Variants in LRP1B observed in about 807,000 individuals in gnomAD.
LRP1B encodes LDL receptor related protein 1B.
In LRP1B, 217 loss-of-function variants were observed where a neutral mutation model predicts 556.6. The observed-to-expected ratio is 0.39, with a 90% CI of 0.35 to 0.44. LRP1B has a LOEUF of 0.44. Ranked by LOEUF, LRP1B falls within the 20% of genes least tolerant of loss-of-function variation. LRP1B has a pLI of 1.00. For missense variants in LRP1B, 5,053 were observed against 5,620.8 expected, an observed-to-expected ratio of 0.90 and a Z score of 3.23; for synonymous variants, 2,047 against 1,865.8, an observed-to-expected ratio of 1.10 and a Z score of -2.50.
chr2:140,737,576 G>T (rs1341947797), intron 35 of LRP1B, among the ~76,000 whole-genome samples: 1 of 152,112 alleles, frequency 6.6e-6, no homozygotes, highest in African/African-American at 2.4e-5. Context: ...CTAGTTAATT[G>T]CCTCTGAAGT....
At chr2:140,444,779 A>C in intron 63 of LRP1B, 100 bp from the exon 64 acceptor site, 3 of 721,594 alleles carry the variant, frequency 4.2e-6, no homozygotes, top group Non-Finnish European at 7.3e-6. Flanking sequence ...TAATAAATAT[A>C]TCCTGGAATA....
intron 21 of LRP1B, among the ~76,000 whole-genome samples, chr2:140,920,704 T>C (rs1386224001): frequency 3.3e-5 from 5 of 152,036 alleles, no homozygotes; most frequent in African/African-American, 9.7e-5. Context: ...TGGTTTACTA[T>C]ATCCAAAACA....
intron 84 of LRP1B, among the ~76,000 whole-genome samples, chr2:140,282,480 A>C (rs1682957761): frequency 1.3e-5 from 2 of 151,828 alleles, no homozygotes; most frequent in Admixed American, 1.3e-4. Flanking sequence ...ATATTTAGTG[A>C]TTCATAAATA....
At chr2:140,720,869 C>A (rs1388014016) in intron 35 of LRP1B, among the ~76,000 whole-genome samples, 2 of 151,818 alleles carry the variant, frequency 1.3e-5, no homozygotes, top group Non-Finnish European at 2.9e-5. Flanking sequence ...ATATGCTTAC[C>A]ATGATGCTCT....
chr2:141,452,184 GA>G (rs903997316), intron 3 of LRP1B, among the ~76,000 whole-genome samples: 11 of 150,702 alleles, frequency 7.3e-5, no homozygotes, highest in Middle Eastern at 3.4e-3. Flanking sequence ...AAGGAGGCTG[GA>G]AAAAAAAAGA....
intron 41 of LRP1B, among the ~76,000 whole-genome samples, chr2:140,682,774 C>A (rs1045811637): frequency 6.6e-6 from 1 of 151,256 alleles, no homozygotes; most frequent in African/African-American, 2.4e-5. Context: ...GAAATATAAG[C>A]AAGGAAACAG....
At chr2:141,255,608 T>C (rs1488747586) in intron 3 of LRP1B, among the ~76,000 whole-genome samples, 2 of 152,078 alleles carry the variant, frequency 1.3e-5, no homozygotes, top group Admixed American at 6.6e-5. Context: ...AGCATTCTCA[T>C]ACAATTATTT....
chr2:141,834,791 A>G (rs1697216427), intron 1 of LRP1B, among the ~76,000 whole-genome samples: 1 of 151,950 alleles, frequency 6.6e-6, no homozygotes, highest in Non-Finnish European at 1.5e-5. Context: ...ATGAAGAAAA[A>G]AGAAAAACTT....
At chr2:140,826,832 G>T (rs1691526207) in intron 31 of LRP1B, among the ~76,000 whole-genome samples, 1 of 152,234 alleles carries the variant, frequency 6.6e-6, no homozygotes, top group African/African-American at 2.4e-5. Flanking sequence ...GGGGAGGTGG[G>T]ATTAGAAACC....
intron 35 of LRP1B, among the ~76,000 whole-genome samples, chr2:140,748,346 AT>A (rs1190128429): frequency 2.4e-5 from 3 of 126,248 alleles, no homozygotes; most frequent in Non-Finnish European, 4.8e-5. Flanking sequence ...CATATATTAT[AT>A]TCATATATAA....
intron 2 of LRP1B, chr2:141,805,859 G>A (rs1334881762): frequency 6.6e-6 from 1 of 152,056 alleles, no homozygotes; most frequent in Admixed American, 6.6e-5. Context: ...GCTGACCCTT[G>A]TAGGACAGGA....
chr2:140,694,587 T>C (rs1423103651), intron 41 of LRP1B, among the ~76,000 whole-genome samples: 1 of 152,194 alleles, frequency 6.6e-6, no homozygotes, highest in African/African-American at 2.4e-5. Flanking sequence ...TCTAGAGACA[T>C]TTCTTTCTTC....
At chr2:141,698,544 C>T (rs1553450067) in intron 2 of LRP1B, among the ~76,000 whole-genome samples, 1 of 148,274 alleles carries the variant, frequency 6.7e-6, no homozygotes, top group East Asian at 2.0e-4. Flanking sequence ...CAGATTGAAA[C>T]AGTTAGGTCA....
rs149271074 is a variant in LRP1B at position 142,130,521 on chromosome 2, G to T, written c.82+127C>A. 1,371 of 753,914 alleles carry T rather than the reference G, an allele frequency of 1.8e-3. 20 individuals are homozygous for T. In the African/African-American group the frequency reaches 0.021, roughly 12 times the overall value. The allele number at this position is 753,914 out of a possible 1,614,324, so 46.7% of individuals were successfully genotyped here. On this transcript the variant is annotated intron_variant, in intron 1 of 90. Coordinates refer to ENST00000389484, the MANE Select transcript of LRP1B (RefSeq NM_018557.3). ...TCACCCCCGCACAGGGCCAGCGCAC[G>T]GTGGTCACCCGGTCCCGGGGAGCGG...
At chr2:141,726,387 A>T (rs145818002) in intron 2 of LRP1B, among the ~76,000 whole-genome samples, 1 of 151,938 alleles carries the variant, frequency 6.6e-6, no homozygotes, top group Non-Finnish European at 1.5e-5. Flanking sequence ...ACAAGAAAAC[A>T]TAATAAATTT....
intron 7 of LRP1B, among the ~76,000 whole-genome samples, chr2:141,159,389 TTTTG>T (rs895507307): frequency 4.6e-5 from 7 of 152,104 alleles, no homozygotes; most frequent in Non-Finnish European, 1.0e-4. Flanking sequence ...AAGTTTTTAT[TTTTG>T]TTTTTTTGTT....
intron 55 of LRP1B, among the ~76,000 whole-genome samples, chr2:140,497,518 T>TA (rs929878741): frequency 3.3e-5 from 5 of 150,722 alleles, no homozygotes; most frequent in South Asian, 2.1e-4. Context: ...AATAAATATT[T>TA]AAAAAAAAAG....
chr2:142,058,192 C>T (rs1481184722), intron 1 of LRP1B, among the ~76,000 whole-genome samples: 3 of 152,148 alleles, frequency 2.0e-5, no homozygotes, highest in Non-Finnish European at 4.4e-5. Flanking sequence ...CCCTCAGCAA[C>T]CCCAACAGGC....
At chr2:140,844,540 G>A (rs1692218504) in intron 29 of LRP1B, among the ~76,000 whole-genome samples, 1 of 151,056 alleles carries the variant, frequency 6.6e-6, no homozygotes, top group Non-Finnish European at 1.5e-5. Context: ...GGTGGGGGTG[G>A]AATAAAAATC....
Sources: allele counts gnomAD v4.1 joint callset (sites outside exome capture counted in the v4.1 genomes callset), GRCh38; gene constraint gnomAD v4.1.1; transcripts MANE v1.5; gene names NCBI Gene and HGNC (gene_info 2026-07-23, HGNC 2026-07-21).